Variants in STPG2 observed in about 807,000 individuals in gnomAD.
The protein encoded by STPG2 is sperm-tail PG-rich repeat-containing protein 2.
A neutral mutation model predicts 54.2 loss-of-function variants in STPG2; 56 were observed. The ratio of observed to expected loss-of-function variants is 1.03; its 90% CI spans 0.83 to 1.29. STPG2 has a LOEUF of 1.29. Ranked by LOEUF, STPG2 falls within the 50% of genes most tolerant of loss-of-function variation. The pLI is 0.00. For synonymous variants in STPG2, 200 were observed against 181.8 expected (o/e 1.10, Z -0.81); for missense variants, 596 against 544.9 (o/e 1.09, Z -0.93).
At chr4:97,849,041 T>G (rs1729062348) in intron 8 of STPG2, among the ~76,000 whole-genome samples, 1 of 151,230 alleles carries the variant, frequency 6.6e-6, no homozygotes, top group Admixed American at 6.6e-5. Context: ...GTGAAGAAAG[T>G]CATTGGTAGC....
chr4:97,753,326 T>C (rs1725634909), intron 9 of STPG2, among the ~76,000 whole-genome samples: 2 of 152,138 alleles, frequency 1.3e-5, no homozygotes, highest in East Asian at 3.9e-4. Context: ...AGTGGAACTG[T>C]ACAATACTTG....
At chr4:97,988,098 A>T (rs546379368) in intron 5 of STPG2, among the ~76,000 whole-genome samples, 24 of 148,706 alleles carry the variant, frequency 1.6e-4, no homozygotes, top group African/African-American at 4.5e-4. Context: ...TCCTACTACC[A>T]TCTCCCCTCA....
At chr4:97,548,855 C>T (rs1014659502) in intron 4 of STPG2, among the ~76,000 whole-genome samples, 12 of 152,140 alleles carry the variant, frequency 7.9e-5, no homozygotes, top group East Asian at 1.9e-4. Context: ...TCTGACATTG[C>T]GCTATACTTA....
intron 10 of STPG2, among the ~76,000 whole-genome samples, chr4:97,663,164 G>C (rs969561143): frequency 6.6e-6 from 1 of 152,012 alleles, no homozygotes; most frequent in Non-Finnish European, 1.5e-5. Context: ...ATGATAAACT[G>C]AAAAAGTTGG....
At chr4:98,100,752 T>G (rs1487573515) in intron 5 of STPG2, among the ~76,000 whole-genome samples, 1 of 147,402 alleles carries the variant, frequency 6.8e-6, no homozygotes, top group African/African-American at 2.5e-5. Flanking sequence ...CTCGGCTCAC[T>G]GCAACCTCTG....
chr4:97,962,837 G>C (rs890477981), intron 7 of STPG2, among the ~76,000 whole-genome samples: 3 of 152,134 alleles, frequency 2.0e-5, no homozygotes, highest in Non-Finnish European at 4.4e-5. Flanking sequence ...CACTGTGCTA[G>C]GCTTCTCAAT....
chr4:98,072,336 C>G (rs1213232154), intron 5 of STPG2, among the ~76,000 whole-genome samples: 1 of 152,148 alleles, frequency 6.6e-6, no homozygotes, highest in Non-Finnish European at 1.5e-5. Flanking sequence ...TATGTTCTCA[C>G]TTTCAAGTGG....
At chr4:97,560,981 G>A (rs542847241) in intron 10 of STPG2, among the ~76,000 whole-genome samples, 36 of 152,224 alleles carry the variant, frequency 2.4e-4, no homozygotes, top group East Asian at 9.7e-4. Flanking sequence ...TGGGATGGCC[G>A]GGTCAAATGG....
At chr4:97,535,578 C>T (rs1731510197) in intron 4 of STPG2, among the ~76,000 whole-genome samples, 1 of 152,120 alleles carries the variant, frequency 6.6e-6, no homozygotes. Flanking sequence ...TCCATTTTCT[C>T]TATTTTGTAT....
chr4:98,131,249 T>G (rs78717060), intron 2 of STPG2, among the ~76,000 whole-genome samples: 9,317 of 152,198 alleles, frequency 0.061, 317 homozygotes, highest in Middle Eastern at 0.095. Flanking sequence ...GAGCTACTAG[T>G]GAACACTGTA....
At chr4:97,818,374 A>T (rs143866309) in intron 9 of STPG2, among the ~76,000 whole-genome samples, 38 of 152,076 alleles carry the variant, frequency 2.5e-4, no homozygotes, top group African/African-American at 8.7e-4. Flanking sequence ...TAGGCATAGT[A>T]AGAATGACAA....
At chr4:98,056,509 C>A (rs1737490314) in intron 5 of STPG2, among the ~76,000 whole-genome samples, 2 of 152,142 alleles carry the variant, frequency 1.3e-5, no homozygotes, top group Admixed American at 1.3e-4. Flanking sequence ...AATACAAGTT[C>A]CCCAGAGTTA....
At chr4:97,638,189 G>A (rs1721627457) in intron 10 of STPG2, among the ~76,000 whole-genome samples, 2 of 152,070 alleles carry the variant, frequency 1.3e-5, no homozygotes, top group East Asian at 3.9e-4. Context: ...AAATAACACT[G>A]CATATCTACA....
intron 9 of STPG2, among the ~76,000 whole-genome samples, chr4:97,754,978 C>T (rs1317943418): frequency 6.6e-6 from 1 of 152,062 alleles, no homozygotes; most frequent in Non-Finnish European, 1.5e-5. Context: ...TTTCAAAACA[C>T]CACTCTGGTG....
At chr4:97,467,904 C>T (rs1475852855) in intron 4 of STPG2, among the ~76,000 whole-genome samples, 4 of 144,000 alleles carry the variant, frequency 2.8e-5, no homozygotes, top group Non-Finnish European at 6.1e-5. Flanking sequence ...TGGATTTGTT[C>T]CTAGGTGAGG....
intron 5 of STPG2, among the ~76,000 whole-genome samples, chr4:97,989,045 G>T (rs1255952405): frequency 6.6e-6 from 1 of 152,028 alleles, no homozygotes; most frequent in African/African-American, 2.4e-5. Flanking sequence ...TTTTAAATAG[G>T]TTAGATTCTA....
Position 97,712,770 on chromosome 4 carries a change from G to A in STPG2, c.1249C>T (p.Pro417Ser). The stretch of plus-strand genomic sequence containing the variant: ...CGCTTTGATGCTTTCACAAATAAGG[G>A]TATGGGGCAAGATTTCCTTAAAACA... The part of the protein sequence containing the change: ...NPVLRKSCPI[P>S]LFVKASKRFE... The change falls in exon 10 of 11, where the codon CCC (proline) becomes TCC (serine). Residue 417 changes from proline to serine, a missense_variant. Transcript: ENST00000295268. 1 of 1,608,638 alleles carries A rather than the reference G, an allele frequency of 6.2e-7. No homozygotes were observed. Among genetic ancestry groups the A allele is most frequent in the Non-Finnish European group, 8.5e-7 (1 of 1,176,670 alleles).
intron 4 of STPG2, among the ~76,000 whole-genome samples, chr4:97,468,857 G>A (rs1180719346): frequency 2.6e-5 from 4 of 151,978 alleles, no homozygotes; most frequent in Non-Finnish European, 5.9e-5. Flanking sequence ...AAGAAAAGCA[G>A]TTTTATTTAG....
intron 5 of STPG2, among the ~76,000 whole-genome samples, chr4:98,011,668 T>A (rs1735755670): frequency 6.6e-6 from 1 of 152,234 alleles, no homozygotes; most frequent in Non-Finnish European, 1.5e-5. Context: ...TGGCATAAGA[T>A]GGTATCTCAT....
Sources: gnomAD v4.1 joint callset for allele counts (sites outside exome capture counted in the v4.1 genomes callset) on GRCh38, gnomAD v4.1.1 for gene constraint, MANE v1.5 for transcripts, NCBI Gene and HGNC (gene_info 2026-07-23, HGNC 2026-07-21) for gene names.